The following CAMK4 variants were observed in gnomAD, a reference collection of about 807,000 sequenced individuals.
CAMK4 encodes the protein calcium/calmodulin dependent protein kinase IV, also known as calcium/calmodulin-dependent protein kinase type IV.
CAMK4 carries 22 observed loss-of-function variants against 44.9 expected under a neutral mutation model. The ratio of observed to expected loss-of-function variants is 0.49; its 90% CI spans 0.35 to 0.70. CAMK4 has a LOEUF of 0.70. CAMK4 is among the 30% of genes least tolerant of loss of function. CAMK4 has a pLI of 0.01. For missense variants in CAMK4, 498 were observed against 586.8 expected, an observed-to-expected ratio of 0.85 and a Z score of 1.56; for synonymous variants, 218 against 215.4, an observed-to-expected ratio of 1.01 and a Z score of -0.11.
intron 2 of CAMK4, among the ~76,000 whole-genome samples, chr5:111,364,335 C>G (rs1001902120): frequency 6.6e-6 from 1 of 152,122 alleles, no homozygotes; most frequent in African/African-American, 2.4e-5. Context: ...TTCCTCTTCT[C>G]CCTGCCTCTG....
At chr5:111,379,573 A>G (rs903681749) in intron 4 of CAMK4, among the ~76,000 whole-genome samples, 1 of 152,110 alleles carries the variant, frequency 6.6e-6, no homozygotes, top group Non-Finnish European at 1.5e-5. Context: ...TTTAAATTTT[A>G]TCAAGCTGAA....
chr5:111,417,773 A>G (rs1190393447), intron 5 of CAMK4, among the ~76,000 whole-genome samples: 4 of 152,212 alleles, frequency 2.6e-5, no homozygotes, highest in African/African-American at 7.2e-5. Context: ...TTTTAAAAGC[A>G]TGTGTGGTTG....
At chr5:111,314,427 T>G (rs1452583279) in intron 1 of CAMK4, among the ~76,000 whole-genome samples, 3 of 152,114 alleles carry the variant, frequency 2.0e-5, no homozygotes, top group Non-Finnish European at 4.4e-5. Context: ...TTTATAACAG[T>G]GCATATATTG....
chr5:111,265,364 T>A (rs147089015), intron 1 of CAMK4, among the ~76,000 whole-genome samples: 64 of 152,324 alleles, frequency 4.2e-4, no homozygotes, highest in Admixed American at 9.1e-4. Flanking sequence ...GCTATTATCT[T>A]TATCTGGTCA....
At chr5:111,293,998 C>T (rs557288082) in intron 1 of CAMK4, among the ~76,000 whole-genome samples, 17 of 152,202 alleles carry the variant, frequency 1.1e-4, no homozygotes, top group African/African-American at 4.1e-4. Context: ...CCGCCTGCCT[C>T]GGCCTCCCAA....
intron 1 of CAMK4, among the ~76,000 whole-genome samples, chr5:111,313,293 T>C (rs141591333): frequency 2.4e-3 from 372 of 152,284 alleles, no homozygotes; most frequent in Middle Eastern, 0.024. Context: ...CTAAGCTGAA[T>C]GTTCTCACTG....
intron 2 of CAMK4, among the ~76,000 whole-genome samples, chr5:111,346,844 A>AAC (rs796221205): frequency 4.7e-5 from 7 of 149,390 alleles, no homozygotes; most frequent in African/African-American, 1.7e-4. Context: ...CAAACAAACA[A>AAC]AAACACTAAC....
intron 1 of CAMK4, among the ~76,000 whole-genome samples, chr5:111,240,816 T>C (rs1748955876): frequency 1.3e-5 from 2 of 152,196 alleles, no homozygotes; most frequent in African/African-American, 4.8e-5. Context: ...AGGGCAATGC[T>C]AAGAGTCAAA....
At position 111,484,398 on chromosome 5, in the gene CAMK4, G is replaced by A; in HGVS notation, c.1354G>A (p.Glu452Lys). ...KTVEEAAAPREGQGSSAVGFE... is the reference protein window; with the variant it reads ...KTVEEAAAPRKGQGSSAVGFE... The stretch of plus-strand genomic sequence containing the variant: ...TGTGGAGGAGGCAGCAGCTCCCAGA[G>A]AAGGGCAAGGAAGCTCTGCTGTGGG... Residue 452 changes from glutamate (E) to lysine (K), a missense_variant, in exon 11 of 11, where the codon GAA (glutamate) becomes AAA (lysine). Physicochemically the swap from Glu to Lys is moderately conservative, Grantham distance 56 (BLOSUM62 1). This residue lies in a region of CAMK4 where 143 missense variants were observed against 144.9 expected (regional missense o/e 0.99). Coordinates refer to ENST00000282356, the MANE Select transcript of CAMK4 (RefSeq NM_001744.6). This position sits in a 1 kb window ranked among gnomAD's most constrained non-coding sequence, Gnocchi z 5.3. 6.4e-7 allele frequency: 1 copy of A among 1,573,482 alleles called. No homozygotes were observed. The highest frequency in any genetic ancestry group is 1.2e-5 in the South Asian group (1 of 84,456).
intron 5 of CAMK4, among the ~76,000 whole-genome samples, chr5:111,443,279 TACACACACACACACACAC>T (rs60644060): frequency 5.3e-4 from 20 of 37,468 alleles, no homozygotes; most frequent in Middle Eastern, 0.017. Flanking sequence ...TATATATATA[TACACACACACACACACAC>T]ACACACACAC....
At chr5:111,342,640 G>C (rs778085800) in intron 1 of CAMK4, among the ~76,000 whole-genome samples, 11 of 150,990 alleles carry the variant, frequency 7.3e-5, no homozygotes, top group Non-Finnish European at 1.5e-4. Flanking sequence ...TATATGATTA[G>C]AATAAAAACC....
chr5:111,420,426 T>C (rs1330652155), intron 5 of CAMK4, among the ~76,000 whole-genome samples: 1 of 152,166 alleles, frequency 6.6e-6, no homozygotes, highest in African/African-American at 2.4e-5. Flanking sequence ...TTGAATACCC[T>C]TTATTTACTT....
intron 2 of CAMK4, among the ~76,000 whole-genome samples, chr5:111,347,107 TA>T (rs1462971133): frequency 6.6e-6 from 1 of 152,052 alleles, no homozygotes; most frequent in Non-Finnish European, 1.5e-5. Flanking sequence ...AGGTGGGTTC[TA>T]AGATTCTTTG....
intron 2 of CAMK4, among the ~76,000 whole-genome samples, chr5:111,372,652 ATTACGTGAG>A (rs1751053426): frequency 6.6e-6 from 1 of 152,168 alleles, no homozygotes; most frequent in African/African-American, 2.4e-5. Context: ...TTTGGGACTT[ATTACGTGAG>A]TTTGAGCTGC....
chr5:111,374,711 G>T, intron 2 of CAMK4, 139 bp from the exon 3 acceptor site: 1 of 621,396 alleles, frequency 1.6e-6, no homozygotes. Flanking sequence ...AAGAAAGAGA[G>T]GAAGGAGACA....
In CAMK4 at chr5:111,224,550, C is replaced by T; in HGVS notation, c.67C>T (p.Pro23Ser). Residue 23 changes from proline to serine, a missense_variant, in exon 1 of 11, where the codon CCG (proline) becomes TCG (serine). This residue lies in a region of CAMK4 where 152 missense variants were observed against 143.7 expected (regional missense o/e 1.06). Coordinates refer to ENST00000282356, the MANE Select transcript of CAMK4 (RefSeq NM_001744.6). This position sits in a 1 kb window ranked among gnomAD's most constrained non-coding sequence, Gnocchi z 5.7. Reference protein sequence around the residue: ...SCSSVTASAAPGTASLVPDYW... With the variant: ...SCSSVTASAASGTASLVPDYW... ...CTCTTCGGTCACCGCCAGTGCGGCC[C>T]CGGGGACCGCGAGCCTCGTCCCGGA... The T allele has an allele frequency of 1.2e-5, 19 of 1,611,766 alleles. No individual in the cohort carries two copies. The highest frequency in any genetic ancestry group is 1.6e-5 in the Non-Finnish European group (19 of 1,179,476).
chr5:111,443,277 T>TACAC (rs1466931660), intron 5 of CAMK4, among the ~76,000 whole-genome samples: 6 of 40,880 alleles, frequency 1.5e-4, no homozygotes, highest in East Asian at 1.6e-3. Context: ...TATATATATA[T>TACAC]ATACACACAC....
intron 1 of CAMK4, among the ~76,000 whole-genome samples, chr5:111,282,046 G>C (rs1751044523): frequency 6.7e-6 from 1 of 149,322 alleles, no homozygotes; most frequent in Admixed American, 6.7e-5. Flanking sequence ...GCGACAGCGA[G>C]ACTCCGTCTC....
At chr5:111,240,280 A>C (rs913102019) in intron 1 of CAMK4, among the ~76,000 whole-genome samples, 4 of 151,174 alleles carry the variant, frequency 2.6e-5, no homozygotes, top group Non-Finnish European at 4.4e-5. Context: ...ATTTAGAAAT[A>C]GAGTTCTGGA....
Sources: gnomAD v4.1 joint callset for allele counts (sites outside exome capture counted in the v4.1 genomes callset) on GRCh38, gnomAD v4.1.1 for gene constraint, gnomAD v4.1.1 regional missense constraint, Gnocchi (gnomAD v3.1) non-coding constraint, MANE v1.5 for transcripts, NCBI Gene and HGNC (gene_info 2026-07-23, HGNC 2026-07-21) for gene names.